The following MYO16 variants were observed in gnomAD, a reference collection of about 807,000 sequenced individuals.
MYO16 encodes myosin XVI, also known as unconventional myosin-XVI.
MYO16 carries 94 observed loss-of-function variants against 205.3 expected under a neutral mutation model. That is an observed-to-expected ratio of 0.46 (90% confidence interval 0.39 to 0.54). MYO16 has a LOEUF of 0.54. MYO16 is among the 20% of genes least tolerant of loss of function. The probability of loss-of-function intolerance (pLI) is 0.00; values close to 1 mark genes in which losing one functional copy is unlikely to be tolerated. For missense variants in MYO16, 2,315 were observed against 2,387.5 expected (o/e 0.97, Z 0.63); for synonymous variants, 988 against 954.0 (o/e 1.04, Z -0.66).
At chr13:109,076,744 A>G (rs1229854027) in intron 27 of MYO16, among the ~76,000 whole-genome samples, 1 of 152,144 alleles carries the variant, frequency 6.6e-6, no homozygotes, top group Admixed American at 6.5e-5. Context: ...GTGAGCCTGC[A>G]GCATGACGCC....
At chr13:108,611,397 A>G (rs984803211) in intron 1 of MYO16, among the ~76,000 whole-genome samples, 1 of 152,204 alleles carries the variant, frequency 6.6e-6, no homozygotes, top group African/African-American at 2.4e-5. Context: ...GAACTACTAG[A>G]AAAATAACAT....
the MYO16 span, among the ~76,000 whole-genome samples, chr13:108,589,343 T>A: frequency 6.6e-6 from 1 of 152,012 alleles, no homozygotes; most frequent in Admixed American, 6.6e-5. Flanking sequence ...ACAATTTAAC[T>A]TCTCATATTT....
At chr13:108,577,963 G>C in the MYO16 span, among the ~76,000 whole-genome samples, 2 of 152,186 alleles carry the variant, frequency 1.3e-5, no homozygotes, top group Admixed American at 6.5e-5. Flanking sequence ...AGCCCCATCA[G>C]GGATCTTTTA....
the MYO16 span, among the ~76,000 whole-genome samples, chr13:108,547,090 G>A: frequency 1.3e-5 from 2 of 151,952 alleles, no homozygotes; most frequent in Non-Finnish European, 2.9e-5. Context: ...GGCTAACACA[G>A]TGAAACCCCA....
chr13:108,595,412 T>TA (rs1566496438), upstream of MYO16, among the ~76,000 whole-genome samples: 1 of 152,310 alleles, frequency 6.6e-6, no homozygotes, highest in East Asian at 1.9e-4. Flanking sequence ...GAGCCTGACT[T>TA]ACAGCTTGCT....
rs552841625 is a variant in MYO16, at chr13:108,841,473, C to T, written c.1098-2870C>T. Among the ~76,000 whole-genome samples, 80 of 152,040 alleles carry T rather than the reference C, an allele frequency of 5.3e-4. 1 individual carries two copies. Among genetic ancestry groups the T allele is most frequent in the African/African-American group, 1.9e-3 (77 of 41,486 alleles). ...AATTGTACAAATCCTAGAGTAAAACCCAGGAGAAATTTTTGGTAACATTGG... is the reference window on the plus strand; with the variant it reads ...AATTGTACAAATCCTAGAGTAAAACTCAGGAGAAATTTTTGGTAACATTGG... On this transcript the variant is annotated intron_variant, in intron 9 of 34. Transcript: ENST00000457511.
intron 16 of MYO16, among the ~76,000 whole-genome samples, chr13:108,955,980 A>G (rs941840685): frequency 1.3e-5 from 2 of 152,158 alleles, no homozygotes; most frequent in Non-Finnish European, 2.9e-5. Context: ...TCTCATTTTG[A>G]GTGAGCTCAC....
At chr13:109,033,089 C>T (rs1250382812) in intron 23 of MYO16, among the ~76,000 whole-genome samples, 1 of 152,118 alleles carries the variant, frequency 6.6e-6, no homozygotes, top group East Asian at 1.9e-4. Context: ...TAAAGGCCCA[C>T]CTAGGGACAT....
At chr13:108,630,555 G>A (rs1457652334) in intron 1 of MYO16, among the ~76,000 whole-genome samples, 3 of 152,190 alleles carry the variant, frequency 2.0e-5, no homozygotes, top group Admixed American at 6.5e-5. Context: ...ATTCTGGATG[G>A]TAATAATGAA....
intron 4 of MYO16, among the ~76,000 whole-genome samples, chr13:108,778,869 A>G (rs1422323395): frequency 2.0e-5 from 3 of 152,196 alleles, no homozygotes; most frequent in Non-Finnish European, 4.4e-5. Context: ...TGGTTCTCCT[A>G]TTATGACTTG....
the MYO16 span, among the ~76,000 whole-genome samples, chr13:108,537,585 A>G: frequency 1.3e-5 from 2 of 152,158 alleles, no homozygotes; most frequent in Admixed American, 6.6e-5. Flanking sequence ...ACTGTTTTCC[A>G]TAGAGGTTGT....
rs1188053947 is a variant in MYO16, at chr13:108,741,426, T to G, written c.507+13843T>G. Among the ~76,000 whole-genome samples the G allele has an allele frequency of 3.3e-5, 5 of 152,138 alleles. No homozygotes were observed. In the South Asian group the frequency reaches 1.0e-3, roughly 32 times the overall value. On this transcript the variant is annotated intron_variant, in intron 4 of 34. Transcript: ENST00000457511. ...ACTGGATAGCACCTTAGCAGTACAC[T>G]TGGGGGCCACCTTTAAAAGCTCAAA...
At chr13:108,658,416 T>A (rs1285068840) in intron 1 of MYO16, among the ~76,000 whole-genome samples, 1 of 137,976 alleles carries the variant, frequency 7.2e-6, no homozygotes, top group Non-Finnish European at 1.5e-5. Flanking sequence ...TTCTTTTTTT[T>A]GTTTCAACTT....
the MYO16 span, among the ~76,000 whole-genome samples, chr13:108,590,314 GA>G: frequency 6.6e-6 from 1 of 152,174 alleles, no homozygotes; most frequent in Non-Finnish European, 1.5e-5. Flanking sequence ...AAGTTTTAAA[GA>G]GTAGTAATGC....
intron 16 of MYO16, among the ~76,000 whole-genome samples, chr13:108,917,081 C>G (rs940127084): frequency 1.1e-4 from 17 of 152,016 alleles, no homozygotes; most frequent in Non-Finnish European, 2.1e-4. Flanking sequence ...TTCTCTCTGT[C>G]ACACTCATGC....
chr13:109,015,408 T>C (rs1017227108), intron 22 of MYO16, among the ~76,000 whole-genome samples: 1 of 152,252 alleles, frequency 6.6e-6, no homozygotes, highest in African/African-American at 2.4e-5. Flanking sequence ...ATCAGGGCTA[T>C]TGGTCTAAAA....
intron 25 of MYO16, among the ~76,000 whole-genome samples, chr13:109,054,147 CGCCCTTTATTTCT>C (rs1237410856): frequency 1.3e-5 from 2 of 151,956 alleles, no homozygotes; most frequent in South Asian, 4.2e-4. Context: ...AATTACCTTC[CGCCCTTTATTTCT>C]GCCCTTTATT....
At chr13:108,973,186 T>C (rs1884122022) in intron 20 of MYO16, among the ~76,000 whole-genome samples, 1 of 151,974 alleles carries the variant, frequency 6.6e-6, no homozygotes, top group African/African-American at 2.4e-5. Flanking sequence ...AAACTGATTA[T>C]GGAGGGAAAA....
chr13:109,047,084 C>A, intron 24 of MYO16, 93 bp downstream of exon 24: 2 of 942,842 alleles, frequency 2.1e-6, no homozygotes, highest in Non-Finnish European at 3.3e-6. Context: ...AAATATGCTA[C>A]CAGCTAAAGC....
Sources: gnomAD v4.1 joint callset for allele counts (sites outside exome capture counted in the v4.1 genomes callset) on GRCh38, gnomAD v4.1.1 for gene constraint, MANE v1.5 for transcripts, NCBI Gene and HGNC (gene_info 2026-07-23, HGNC 2026-07-21) for gene names.